The following SCFD2 variants were observed in gnomAD, a reference collection of about 807,000 sequenced individuals.
The protein encoded by SCFD2 is sec1 family domain containing 2.
In SCFD2, 54 loss-of-function variants were observed where a neutral mutation model predicts 58.9. The observed-to-expected ratio is 0.92, with a 90% CI of 0.74 to 1.15. SCFD2 has a LOEUF of 1.15. SCFD2 is among the 50% of genes most tolerant of loss of function. The pLI is 0.00. For synonymous variants in SCFD2, 321 were observed against 335.9 expected (o/e 0.96, Z 0.49); for missense variants, 805 against 836.6 (o/e 0.96, Z 0.47).
At chr4:52,888,835 T>A (rs1340306123) in intron 7 of SCFD2, among the ~76,000 whole-genome samples, 2 of 152,226 alleles carry the variant, frequency 1.3e-5, no homozygotes, top group Non-Finnish European at 2.9e-5. Context: ...ATATCTTTTA[T>A]GTACCTCTCA....
intron 4 of SCFD2, among the ~76,000 whole-genome samples, chr4:53,239,141 G>T (rs186683843): frequency 2.6e-5 from 4 of 151,010 alleles, no homozygotes; most frequent in African/African-American, 9.8e-5. Context: ...GGTGGATCAC[G>T]TGCGGTTAGG....
At chr4:53,067,707 A>G (rs899565351) in intron 5 of SCFD2, among the ~76,000 whole-genome samples, 1 of 151,516 alleles carries the variant, frequency 6.6e-6, no homozygotes, top group African/African-American at 2.4e-5. Context: ...GTTTCCTGAG[A>G]CCTCCTCAGC....
At chr4:53,213,344 CG>C (rs1001960054) in intron 4 of SCFD2, among the ~76,000 whole-genome samples, 3 of 152,016 alleles carry the variant, frequency 2.0e-5, no homozygotes, top group African/African-American at 7.3e-5. Context: ...AACAAGAACT[CG>C]AAAACCTTCT....
intron 7 of SCFD2, among the ~76,000 whole-genome samples, chr4:52,890,076 A>G (rs1389363385): frequency 1.3e-5 from 2 of 152,266 alleles, no homozygotes; most frequent in Non-Finnish European, 2.9e-5. Flanking sequence ...TGCTTTATGC[A>G]TAGTTCTTCT....
intron 2 of SCFD2, among the ~76,000 whole-genome samples, chr4:53,334,961 C>T (rs1469000971): frequency 1.3e-5 from 2 of 152,040 alleles, no homozygotes; most frequent in Admixed American, 6.5e-5. Context: ...CTTTGGGAGG[C>T]CAAGGCAGGT....
At chr4:53,041,924 G>A (rs563753750) in intron 5 of SCFD2, among the ~76,000 whole-genome samples, 3 of 152,136 alleles carry the variant, frequency 2.0e-5, no homozygotes, top group Admixed American at 2.0e-4. Flanking sequence ...CTTTTCAGTA[G>A]TGACAGCATG....
intron 4 of SCFD2, among the ~76,000 whole-genome samples, chr4:53,187,942 T>C (rs990416326): frequency 3.3e-5 from 5 of 152,152 alleles, no homozygotes; most frequent in Admixed American, 6.6e-5. Flanking sequence ...ATTGTTCAGG[T>C]AGAATATATC....
chr4:53,201,983 C>G (rs1728256769), intron 4 of SCFD2, among the ~76,000 whole-genome samples: 1 of 152,022 alleles, frequency 6.6e-6, no homozygotes, highest in African/African-American at 2.4e-5. Flanking sequence ...GTTGCCTGTT[C>G]ACTCTGATGG....
At chr4:53,331,604 G>C (rs1483695153) in intron 2 of SCFD2, among the ~76,000 whole-genome samples, 4 of 152,182 alleles carry the variant, frequency 2.6e-5, no homozygotes, top group Non-Finnish European at 5.9e-5. Flanking sequence ...GCAGTGTGTA[G>C]AGGGAAATTT....
At position 53,145,553 on chromosome 4, in the gene SCFD2, C is replaced by T. The variant is rs1298768481; in HGVS notation, c.1341G>A (p.Val447=). ...TAATCATGGGCAGCAGCTGATTTAA[C>T]ACAACGGACATTGCTGACTCCCCAA... is the stretch of plus-strand genomic sequence containing the variant. ...QSIGESAMSV[V]LNQLLPMIKP... The change falls in exon 5 of 9, where the codon GTG becomes GTA. Residue 447 remains valine, a synonymous_variant. Transcript: ENST00000401642. The T allele has an allele frequency of 6.2e-7, 1 of 1,614,114 alleles. No individual in the cohort carries two copies. Among genetic ancestry groups the T allele is most frequent in the South Asian group, 1.1e-5 (1 of 91,064 alleles).
intron 5 of SCFD2, among the ~76,000 whole-genome samples, chr4:53,078,712 CT>C (rs1724054303): frequency 6.6e-6 from 1 of 152,124 alleles, no homozygotes; most frequent in African/African-American, 2.4e-5. Flanking sequence ...AGTCACACAG[CT>C]AGTAAACCAC....
intron 2 of SCFD2, among the ~76,000 whole-genome samples, chr4:53,320,994 T>C (rs1733007235): frequency 6.6e-6 from 1 of 152,234 alleles, no homozygotes; most frequent in Non-Finnish European, 1.5e-5. Flanking sequence ...CTATGAAATA[T>C]AAGTAGTTTC....
intron 5 of SCFD2, among the ~76,000 whole-genome samples, chr4:52,985,869 C>T (rs1721480025): frequency 6.6e-6 from 1 of 151,702 alleles, no homozygotes; most frequent in Non-Finnish European, 1.5e-5. Context: ...TAGGAAATTT[C>T]CAATCAGATA....
chr4:52,978,514 G>A (rs1721302542), intron 5 of SCFD2, among the ~76,000 whole-genome samples: 1 of 152,106 alleles, frequency 6.6e-6, no homozygotes, highest in East Asian at 1.9e-4. Flanking sequence ...TGCAGCACTT[G>A]GCAATGATTA....
chr4:52,946,986 G>C (rs987889148), intron 5 of SCFD2, among the ~76,000 whole-genome samples: 2 of 152,064 alleles, frequency 1.3e-5, no homozygotes, highest in African/African-American at 2.4e-5. Context: ...GCCCATGCAG[G>C]CTGCTCACTG....
chr4:53,359,529 C>T (rs1734491614), intron 1 of SCFD2, among the ~76,000 whole-genome samples: 1 of 152,102 alleles, frequency 6.6e-6, no homozygotes, highest in African/African-American at 2.4e-5. Flanking sequence ...TATTTGAGAC[C>T]AGCCTGCGAA....
At chr4:53,199,267 T>C (rs551446318) in intron 4 of SCFD2, among the ~76,000 whole-genome samples, 141 of 152,204 alleles carry the variant, frequency 9.3e-4, no homozygotes, top group African/African-American at 3.3e-3. Flanking sequence ...TCATCTGTAG[T>C]CAGAAAGCAC....
In SCFD2 at chr4:53,154,511, C is replaced by A. The variant is rs190224290; in HGVS notation, c.1312-8929G>T. Among the ~76,000 whole-genome samples, 23 of 152,350 alleles carry A rather than the reference C, an allele frequency of 1.5e-4. No homozygotes were observed. The East Asian group carries it at 4.2e-3, about 28-fold the overall frequency. ...GATCCAAACATCTCCCACCAGGCCC[C>A]ACCTCCAACATTGAGAATCACATTT... On this transcript the variant is annotated intron_variant, in intron 4 of 8. Transcript: ENST00000401642.
At chr4:52,970,907 G>T (rs977462001) in intron 5 of SCFD2, among the ~76,000 whole-genome samples, 1 of 152,126 alleles carries the variant, frequency 6.6e-6, no homozygotes, top group African/African-American at 2.4e-5. Flanking sequence ...AGGCAAACAG[G>T]GTCTAGAGTG....
Sources: allele counts gnomAD v4.1 joint callset (sites outside exome capture counted in the v4.1 genomes callset), GRCh38; gene constraint gnomAD v4.1.1; transcripts MANE v1.5; gene names NCBI Gene and HGNC (gene_info 2026-07-23, HGNC 2026-07-21).